Variants in HS3ST5 observed in about 807,000 individuals in gnomAD.
The protein encoded by HS3ST5 is heparan sulfate-glucosamine 3-sulfotransferase 5, also known as heparan sulfate glucosamine 3-O-sulfotransferase 5.
HS3ST5 carries 10 observed loss-of-function variants against 25.4 expected under a neutral mutation model. The ratio of observed to expected loss-of-function variants is 0.39; its 90% CI spans 0.24 to 0.67. The LOEUF (loss-of-function observed/expected upper bound fraction) is 0.67, where lower values mean the gene tolerates loss of function less well. Among genes scored for constraint, HS3ST5 ranks in the 30% least tolerant of loss-of-function variants. The pLI, the probability that HS3ST5 is intolerant of heterozygous loss-of-function variation, is 0.44. For synonymous variants in HS3ST5, 170 were observed against 162.4 expected (o/e 1.05, Z -0.36); for missense variants, 324 against 420.7 (o/e 0.77, Z 2.01).
rs1407483396 is a variant in HS3ST5, at chr6:114,267,107, A to G, written c.-338-38329T>C. Reference sequence around the variant, plus strand: ...AAATGGCAATCGTGACACAAAACACATTGGACTATCAGGAGGTATGGGAAA... The same window carrying G: ...AAATGGCAATCGTGACACAAAACACGTTGGACTATCAGGAGGTATGGGAAA... On this transcript the variant is annotated intron_variant, in intron 1 of 4. Coordinates refer to ENST00000312719, the MANE Select transcript of HS3ST5 (RefSeq NM_153612.4). 3.3e-5 allele frequency among the ~76,000 whole-genome samples: 5 copies of G among 152,218 alleles called. No individual in the cohort carries two copies. The East Asian group carries it at 9.6e-4, about 29-fold the overall frequency.
At chr6:114,145,774 C>T (rs1380694356) in intron 3 of HS3ST5, among the ~76,000 whole-genome samples, 1 of 152,128 alleles carries the variant, frequency 6.6e-6, no homozygotes, top group Non-Finnish European at 1.5e-5. Context: ...AGGGGCCTTC[C>T]TCACTCATCA....
At chr6:114,165,906 G>T (rs959767241) in intron 3 of HS3ST5, among the ~76,000 whole-genome samples, 14 of 152,074 alleles carry the variant, frequency 9.2e-5, no homozygotes, top group African/African-American at 3.4e-4. Context: ...CCTAAGCCAG[G>T]CACGCTGGCT....
chr6:114,302,184 C>A lies in HS3ST5; in HGVS notation c.-339+40011G>T, dbSNP rs572018538. Among the ~76,000 whole-genome samples, 22 of 152,178 alleles carry A rather than the reference C, an allele frequency of 1.4e-4. 1 individual carries two copies. The South Asian group carries it at 4.6e-3, about 32-fold the overall frequency. ...ATTTTATGTGTGATGACCCTAGACA[C>A]CCTTAATATATTTGTTAGGCTCAAC... On this transcript the variant is annotated intron_variant, in intron 1 of 4. Coordinates refer to ENST00000312719, the MANE Select transcript of HS3ST5 (RefSeq NM_153612.4).
chr6:114,188,781 T>C (rs1264600230), intron 2 of HS3ST5, among the ~76,000 whole-genome samples: 4 of 152,186 alleles, frequency 2.6e-5, no homozygotes, highest in Admixed American at 2.6e-4. Context: ...CTCAGTATAA[T>C]TGGGTCAGTA....
chr6:114,188,211 C>T (rs896441166), intron 2 of HS3ST5, among the ~76,000 whole-genome samples: 3 of 152,056 alleles, frequency 2.0e-5, no homozygotes, highest in South Asian at 2.1e-4. Flanking sequence ...TGGGGTAAGT[C>T]GACACTTATC....
At chr6:114,238,033 T>C (rs1330853728) in intron 1 of HS3ST5, among the ~76,000 whole-genome samples, 1 of 152,212 alleles carries the variant, frequency 6.6e-6, no homozygotes, top group Non-Finnish European at 1.5e-5. Context: ...TCATCTACTT[T>C]AAACATACAA....
rs534748495 is a variant in HS3ST5, at chr6:114,158,737, C to A, written c.-33+9614G>T. On this transcript the variant is annotated intron_variant, in intron 3 of 4. Coordinates refer to ENST00000312719, the MANE Select transcript of HS3ST5 (RefSeq NM_153612.4). ...GCATACACACAATTCCTGCTCTGCT[C>A]CAGTGAGAATAACCAGGAACCCTGA... 6.8e-4 allele frequency among the ~76,000 whole-genome samples: 104 copies of A among 152,262 alleles called. 1 individual carries two copies. In the Middle Eastern group the frequency reaches 0.01, roughly 15 times the overall value.
chr6:114,146,227 A>G (rs1009265054), intron 3 of HS3ST5, among the ~76,000 whole-genome samples: 2 of 152,210 alleles, frequency 1.3e-5, no homozygotes, highest in African/African-American at 4.8e-5. Flanking sequence ...AGCTAAATAG[A>G]ATATTTGAAA....
chr6:114,157,861 C>T (rs1281631133), intron 3 of HS3ST5, among the ~76,000 whole-genome samples: 3 of 152,128 alleles, frequency 2.0e-5, no homozygotes, highest in Non-Finnish European at 4.4e-5. Context: ...TTTTCCTTCT[C>T]CCCTCACCTC....
chr6:114,140,550 T>C (rs1777852512), intron 3 of HS3ST5, among the ~76,000 whole-genome samples: 1 of 152,166 alleles, frequency 6.6e-6, no homozygotes, highest in Non-Finnish European at 1.5e-5. Flanking sequence ...TCTAAGATCA[T>C]TTGTATAATA....
chr6:114,274,837 G>C (rs1331073089), intron 1 of HS3ST5, among the ~76,000 whole-genome samples: 1 of 152,032 alleles, frequency 6.6e-6, no homozygotes, highest in Non-Finnish European at 1.5e-5. Flanking sequence ...GAATGTGTCG[G>C]AGTCTGAGAA....
chr6:114,075,348 T>C (rs1774061592), intron 3 of HS3ST5, among the ~76,000 whole-genome samples: 2 of 152,200 alleles, frequency 1.3e-5, no homozygotes, highest in Admixed American at 1.3e-4. Context: ...AAATCCACCT[T>C]GAAGAGTCCT....
rs1206064685 is a variant in HS3ST5 at position 114,055,935 on chromosome 6, C to G, written c.*1322G>C. ...AATTTCTCTGGATGGAAATATGAGCCATATGTTTATGTTAGTAATGGCAAC... is the reference window on the plus strand; with the variant it reads ...AATTTCTCTGGATGGAAATATGAGCGATATGTTTATGTTAGTAATGGCAAC... On this transcript the variant is annotated 3_prime_UTR_variant, in exon 5 of 5. Transcript: ENST00000312719. 6.6e-6 allele frequency: 1 copy of G among 152,140 alleles called. No individual in the cohort carries two copies. The highest frequency in any genetic ancestry group is 2.4e-5 in the African/African-American group (1 of 41,422). The allele number at this position is 152,140 out of a possible 1,614,324, so 9.4% of individuals were successfully genotyped here.
chr6:114,139,956 G>A (rs572581426), intron 3 of HS3ST5, among the ~76,000 whole-genome samples: 24 of 152,262 alleles, frequency 1.6e-4, no homozygotes, highest in African/African-American at 5.3e-4. Flanking sequence ...TCACCTTTCT[G>A]GCCCTTAGTC....
chr6:114,061,869 A>C (rs1773135775), intron 4 of HS3ST5, among the ~76,000 whole-genome samples: 1 of 152,216 alleles, frequency 6.6e-6, no homozygotes, highest in Non-Finnish European at 1.5e-5. Flanking sequence ...AATAGTTTGA[A>C]CATGGGAGGA....
intron 3 of HS3ST5, among the ~76,000 whole-genome samples, chr6:114,103,452 CTAAA>C (rs1366833801): frequency 6.6e-6 from 1 of 152,018 alleles, no homozygotes; most frequent in Non-Finnish European, 1.5e-5. Flanking sequence ...AAAATATTAA[CTAAA>C]TAATTGTATA....
In HS3ST5 at chr6:114,190,766, C is replaced by A. The variant is rs907709486; in HGVS notation, c.-144-22304G>T. On this transcript the variant is annotated intron_variant, in intron 2 of 4. Transcript: ENST00000312719. The stretch of plus-strand genomic sequence containing the variant: ...TATTACATATTCTTTGCTATCTTAA[C>A]ATAAAGCTCTGCATGGAGTTCTTGG... Among the ~76,000 whole-genome samples the A allele has an allele frequency of 4.6e-5, 7 of 152,284 alleles. No individual in the cohort carries two copies. In the East Asian group the frequency reaches 1.2e-3, roughly 25 times the overall value.
chr6:114,294,998 T>C (rs912892750), intron 1 of HS3ST5, among the ~76,000 whole-genome samples: 2 of 152,208 alleles, frequency 1.3e-5, no homozygotes, highest in Non-Finnish European at 2.9e-5. Context: ...CATAAGGTAA[T>C]TACTTATGTA....
At chr6:114,183,149 A>G (rs954093354) in intron 2 of HS3ST5, among the ~76,000 whole-genome samples, 3 of 152,158 alleles carry the variant, frequency 2.0e-5, no homozygotes, top group African/African-American at 7.2e-5. Context: ...TCATAAGCCA[A>G]TGATATGCTT....
Sources: allele counts gnomAD v4.1 joint callset (sites outside exome capture counted in the v4.1 genomes callset), GRCh38; gene constraint gnomAD v4.1.1; transcripts MANE v1.5; gene names NCBI Gene and HGNC (gene_info 2026-07-23, HGNC 2026-07-21).